The following ADGRL2 variants were observed in gnomAD, a reference collection of about 807,000 sequenced individuals.
The protein encoded by ADGRL2 is adhesion G protein-coupled receptor L2, also known as calcium-independent alpha-latrotoxin receptor 2.
In ADGRL2, 44 loss-of-function variants were observed where a neutral mutation model predicts 157.4. That is an observed-to-expected ratio of 0.28 (90% CI 0.22 to 0.36). ADGRL2 has a LOEUF of 0.36. ADGRL2 is among the 10% of genes least tolerant of loss of function. The pLI, the probability that ADGRL2 is intolerant of heterozygous loss-of-function variation, is 1.00. For missense variants in ADGRL2, 1,510 were observed against 1,768.9 expected (o/e 0.85, Z 2.63); for synonymous variants, 585 against 624.7 (o/e 0.94, Z 0.95).
In ADGRL2 at chr1:81,370,973, C is replaced by T. The variant is rs115224182; in HGVS notation, c.-302+64464C>T. Among the ~76,000 whole-genome samples the T allele has an allele frequency of 8.0e-3, 1,215 of 152,118 alleles. 11 individuals are homozygous for T. The highest frequency in any genetic ancestry group is 0.028 in the African/African-American group (1,143 of 41,482). On this transcript the variant is annotated intron_variant, in intron 1 of 24. Coordinates refer to the ADGRL2 transcript ENST00000370721. ...TGACTTAGTGAGTTCTCTAGTCTAG[C>T]GTTTAATGGGAATTTTCAGTATGCT...
At chr1:81,856,067 G>A (rs1183118020) in intron 2 of ADGRL2, among the ~76,000 whole-genome samples, 7 of 152,112 alleles carry the variant, frequency 4.6e-5, no homozygotes, top group Admixed American at 4.6e-4. Context: ...TGGTCCTTGT[G>A]GAGTTTGGAA....
At chr1:81,538,406 T>A (rs1210930264) in intron 2 of ADGRL2, among the ~76,000 whole-genome samples, 1 of 152,148 alleles carries the variant, frequency 6.6e-6, no homozygotes, top group Non-Finnish European at 1.5e-5. Flanking sequence ...CTGGCTCCAG[T>A]CATCATCTTT....
intron 2 of ADGRL2, among the ~76,000 whole-genome samples, chr1:81,885,979 T>C (rs925949090): frequency 6.6e-6 from 1 of 152,182 alleles, no homozygotes; most frequent in Non-Finnish European, 1.5e-5. Flanking sequence ...CTGGATCTTA[T>C]ATTGGGCGAT....
chr1:81,547,008 T>A (rs548837085), intron 2 of ADGRL2, among the ~76,000 whole-genome samples: 1 of 152,336 alleles, frequency 6.6e-6, no homozygotes, highest in Middle Eastern at 3.4e-3. Flanking sequence ...CCCTTGTTGA[T>A]CAAGCCCCCA....
intron 1 of ADGRL2, among the ~76,000 whole-genome samples, chr1:81,366,514 C>G (rs1490612315): frequency 2.0e-5 from 3 of 152,022 alleles, no homozygotes; most frequent in Admixed American, 6.6e-5. Flanking sequence ...TAGCTTTACT[C>G]TTGCTATCTT....
intron 3 of ADGRL2, among the ~76,000 whole-genome samples, chr1:81,584,207 C>T (rs966254829): frequency 6.6e-6 from 1 of 152,098 alleles, no homozygotes; most frequent in African/African-American, 2.4e-5. Flanking sequence ...TTGCTGTCAA[C>T]GTTTTTCTTC....
chr1:81,309,538 A>G (rs985140783), intron 1 of ADGRL2, among the ~76,000 whole-genome samples: 3 of 152,088 alleles, frequency 2.0e-5, no homozygotes, highest in Non-Finnish European at 4.4e-5. Flanking sequence ...ACCCCCCACA[A>G]ATAGCAAAAG....
At chr1:81,774,000 G>A (rs527449962) in intron 2 of ADGRL2, among the ~76,000 whole-genome samples, 1 of 152,118 alleles carries the variant, frequency 6.6e-6, no homozygotes, top group African/African-American at 2.4e-5. Context: ...GGAGATGATC[G>A]CCATCTACAA....
At chr1:81,915,394 A>G (rs1354129167) in intron 3 of ADGRL2, among the ~76,000 whole-genome samples, 2 of 152,108 alleles carry the variant, frequency 1.3e-5, no homozygotes. Context: ...TTTCATTTTA[A>G]AATGAAAATC....
At chr1:81,514,187 T>G (rs2079130705) in intron 2 of ADGRL2, 1 of 152,190 alleles carries the variant, frequency 6.6e-6, no homozygotes, top group Non-Finnish European at 1.5e-5. Context: ...TTAGTTTGTA[T>G]AGCAATCTCA....
At chr1:81,970,637 G>A in intron 16 of ADGRL2, 103 bp downstream of exon 16, 2 of 810,878 alleles carry the variant, frequency 2.5e-6, no homozygotes, top group South Asian at 1.7e-5. Flanking sequence ...GCATCTGAAA[G>A]CTTTATTGGT....
intron 1 of ADGRL2, among the ~76,000 whole-genome samples, chr1:81,314,774 T>G (rs1659993379): frequency 6.6e-6 from 1 of 152,054 alleles, no homozygotes; most frequent in African/African-American, 2.4e-5. Flanking sequence ...CAGCAGAAAA[T>G]GAATAGAAAT....
intron 1 of ADGRL2, among the ~76,000 whole-genome samples, chr1:81,819,642 A>T (rs140376116): frequency 2.6e-5 from 4 of 152,228 alleles, no homozygotes; most frequent in African/African-American, 9.6e-5. Context: ...TACATGATCT[A>T]GGTTTTTATT....
intron 11 of ADGRL2, among the ~76,000 whole-genome samples, chr1:81,959,044 CAT>C (rs2149186991): frequency 6.6e-6 from 1 of 152,290 alleles, no homozygotes; most frequent in East Asian, 1.9e-4. Flanking sequence ...CTCACTTAGA[CAT>C]ATTGAATTTT....
intron 1 of ADGRL2, chr1:81,426,756 T>G (rs2077224746): frequency 6.5e-6 from 3 of 462,082 alleles, no homozygotes. Flanking sequence ...CACAGGTTGG[T>G]GGGTGTCTAT....
intron 1 of ADGRL2, among the ~76,000 whole-genome samples, chr1:81,397,422 C>T (rs2076675801): frequency 6.1e-5 from 9 of 146,786 alleles, no homozygotes; most frequent in Non-Finnish European, 1.2e-4. Flanking sequence ...CGGGTTCACG[C>T]CATTCTCCTG....
chr1:81,568,282 A>G (rs78095607), intron 2 of ADGRL2, among the ~76,000 whole-genome samples: 4,121 of 152,212 alleles, frequency 0.027, 81 homozygotes, highest in East Asian at 0.038. Context: ...TGCTAAAGTC[A>G]TTAAAATGAT....
intron 3 of ADGRL2, among the ~76,000 whole-genome samples, chr1:81,653,586 A>G (rs961437485): frequency 7.2e-5 from 11 of 152,206 alleles, no homozygotes; most frequent in African/African-American, 2.7e-4. Flanking sequence ...TGGGGTACAT[A>G]CCTACCAGAG....
intron 1 of ADGRL2, among the ~76,000 whole-genome samples, chr1:81,310,884 G>A (rs561135005): frequency 6.6e-6 from 1 of 150,400 alleles, no homozygotes; most frequent in African/African-American, 2.4e-5. Context: ...GGTGAGAAGA[G>A]AACAGAGGAT....
Sources: gnomAD v4.1 joint callset for allele counts (sites outside exome capture counted in the v4.1 genomes callset) on GRCh38, gnomAD v4.1.1 for gene constraint, MANE v1.5 for transcripts, NCBI Gene and HGNC (gene_info 2026-07-23, HGNC 2026-07-21) for gene names.